The following CEP85L variants were observed in gnomAD, a reference collection of about 807,000 sequenced individuals.
The protein encoded by CEP85L is centrosomal protein of 85 kDa-like.
In CEP85L, 60 loss-of-function variants were observed where a neutral mutation model predicts 100.3. That is an observed-to-expected ratio of 0.60 (90% CI 0.49 to 0.74). The LOEUF is 0.74. Among genes scored for constraint, CEP85L ranks in the 30% least tolerant of loss-of-function variants. CEP85L has a pLI of 0.00. For synonymous variants in CEP85L, 319 were observed against 322.7 expected, an observed-to-expected ratio of 0.99 and a Z score of 0.12; for missense variants, 973 against 936.2, an observed-to-expected ratio of 1.04 and a Z score of -0.51.
At chr6:118,679,436 C>T (rs1030803930) in intron 1 of CEP85L, among the ~76,000 whole-genome samples, 1 of 152,198 alleles carries the variant, frequency 6.6e-6, no homozygotes, top group African/African-American at 2.4e-5. Flanking sequence ...TTAGTTTATA[C>T]AAGAGGCATG....
At position 118,565,413 on chromosome 6, in the gene CEP85L, C is replaced by T. The variant is rs368772227; in HGVS notation, c.1020+116G>A. On this transcript the variant is annotated intron_variant, in intron 3 of 12. Transcript: ENST00000368491. ...TGTAACATTTCTGCCTATTAACTTG[C>T]AGGGAAAAGGAAATGCAAAACAATC... 1.5e-3 allele frequency: 1,477 copies of T among 1,014,166 alleles called. 28 individuals are homozygous for T. The South Asian group carries it at 0.021, about 15-fold the overall frequency. 62.8% of individuals were successfully genotyped at this position (1,014,166 alleles called of 1,614,324 possible).
intron 1 of CEP85L, among the ~76,000 whole-genome samples, chr6:118,679,988 TAAA>T (rs996477553): frequency 7.0e-6 from 1 of 143,574 alleles, no homozygotes; most frequent in Non-Finnish European, 1.5e-5. Context: ...TCATTGGCAT[TAAA>T]AAAAAAAAAG....
chr6:118,524,247 A>G (rs12333080), intron 3 of CEP85L, among the ~76,000 whole-genome samples: 5 of 152,068 alleles, frequency 3.3e-5, no homozygotes, highest in Non-Finnish European at 7.4e-5. Flanking sequence ...GATCACCACC[A>G]TCCTGGCTAA....
At chr6:118,682,273 C>T (rs1319947626) in intron 1 of CEP85L, among the ~76,000 whole-genome samples, 1 of 152,008 alleles carries the variant, frequency 6.6e-6, no homozygotes, top group Non-Finnish European at 1.5e-5. Flanking sequence ...TATGGTGTCT[C>T]CAAGGTTTTG....
intron 2 of CEP85L, among the ~76,000 whole-genome samples, chr6:118,624,963 C>T (rs1773689002): frequency 6.6e-6 from 1 of 152,248 alleles, no homozygotes; most frequent in Admixed American, 6.5e-5. Flanking sequence ...ATGCAGGAGG[C>T]CTCTCCTAAC....
chr6:118,687,481 G>C (rs1351997847), intron 1 of CEP85L, among the ~76,000 whole-genome samples: 2 of 152,154 alleles, frequency 1.3e-5, no homozygotes, highest in African/African-American at 4.8e-5. Flanking sequence ...TTGCAACTTA[G>C]CTCACACATA....
In CEP85L at chr6:118,491,737, G is replaced by A; in HGVS notation, c.1386C>T (p.Leu462=). Residue 462 remains leucine (L), a synonymous_variant, in exon 6 of 13, where the codon CTC becomes CTT. Coordinates refer to ENST00000368491, the MANE Select transcript of CEP85L (RefSeq NM_001042475.3). ...EKEVLQLNEF[L]KQRLSLFSEE... is the part of the protein sequence containing the mutation. The stretch of plus-strand genomic sequence containing the variant: ...CACTAAATAGGCTTAGTCTTTGTTT[G>A]AGAAACTCATTAAGCTGTAAAACTT... 1.2e-6 allele frequency: 2 copies of A among 1,612,978 alleles called. No homozygotes were observed. Among genetic ancestry groups the A allele is most frequent in the Non-Finnish European group, 1.7e-6 (2 of 1,179,512 alleles).
intron 5 of CEP85L, among the ~76,000 whole-genome samples, chr6:118,505,670 T>C (rs1775609494): frequency 6.6e-6 from 1 of 152,164 alleles, no homozygotes; most frequent in Admixed American, 6.5e-5. Context: ...ATGATTCCAA[T>C]TACATAACAT....
At chr6:118,595,281 T>C (rs1781406721) in intron 2 of CEP85L, among the ~76,000 whole-genome samples, 1 of 152,020 alleles carries the variant, frequency 6.6e-6, no homozygotes, top group Non-Finnish European at 1.5e-5. Context: ...ATCCTCATTG[T>C]CGTAGATCTA....
intron 1 of CEP85L, among the ~76,000 whole-genome samples, chr6:118,696,896 T>C (rs950293651): frequency 1.3e-5 from 2 of 152,210 alleles, no homozygotes; most frequent in African/African-American, 4.8e-5. Flanking sequence ...ATCCTGAGCA[T>C]ATTACCTTAG....
At chr6:118,573,153 A>T (rs1486733893) in intron 2 of CEP85L, among the ~76,000 whole-genome samples, 1 of 152,256 alleles carries the variant, frequency 6.6e-6, no homozygotes, top group African/African-American at 2.4e-5. Flanking sequence ...TCATGAAGAA[A>T]CTGCAAAACA....
At chr6:118,519,473 T>TGTGTGTGTG (rs1776500318) in intron 4 of CEP85L, among the ~76,000 whole-genome samples, 4 of 18,216 alleles carry the variant, frequency 2.2e-4, no homozygotes, top group African/African-American at 6.0e-4. Flanking sequence ...TGTGTGTGTG[T>TGTGTGTGTG]GGCGGGGGGG....
intron 9 of CEP85L, 76 bp downstream of exon 9, chr6:118,480,320 G>C (rs1270659046): frequency 8.6e-5 from 59 of 682,400 alleles, no homozygotes; most frequent in Non-Finnish European, 4.6e-5. Context: ...ACATAAAATA[G>C]CTATAAATTA....
chr6:118,555,966 G>A (rs759620299), intron 3 of CEP85L, among the ~76,000 whole-genome samples: 20 of 152,110 alleles, frequency 1.3e-4, no homozygotes, highest in African/African-American at 3.9e-4. Flanking sequence ...CCATGTTCCC[G>A]CAAAAGACAT....
At chr6:118,500,323 C>G (rs1308698091) in intron 5 of CEP85L, among the ~76,000 whole-genome samples, 1 of 152,056 alleles carries the variant, frequency 6.6e-6, no homozygotes, top group Non-Finnish European at 1.5e-5. Flanking sequence ...GCTATATGAT[C>G]AAACAGCAAA....
chr6:118,634,639 C>T (rs1774376509), intron 1 of CEP85L, among the ~76,000 whole-genome samples: 1 of 150,702 alleles, frequency 6.6e-6, no homozygotes, highest in Non-Finnish European at 1.5e-5. Context: ...TCAAGTGATT[C>T]AACACTCACA....
At chr6:118,474,422 C>T (rs951853242) in intron 10 of CEP85L, among the ~76,000 whole-genome samples, 2 of 152,208 alleles carry the variant, frequency 1.3e-5, no homozygotes, top group African/African-American at 4.8e-5. Flanking sequence ...AGGGCATCAA[C>T]ATTTATCATC....
chr6:118,504,438 A>G (rs1775514341), intron 5 of CEP85L, among the ~76,000 whole-genome samples: 1 of 152,110 alleles, frequency 6.6e-6, no homozygotes, highest in African/African-American at 2.4e-5. Context: ...AAATAATAAT[A>G]CTAGGTCTAC....
At chr6:118,690,296 T>C (rs1468033982) in intron 1 of CEP85L, among the ~76,000 whole-genome samples, 2 of 152,242 alleles carry the variant, frequency 1.3e-5, no homozygotes, top group Non-Finnish European at 2.9e-5. Context: ...TGTCTAACTA[T>C]AACTCTAATA....
Sources: gnomAD v4.1 joint callset for allele counts (sites outside exome capture counted in the v4.1 genomes callset) on GRCh38, gnomAD v4.1.1 for gene constraint, MANE v1.5 for transcripts, NCBI Gene and HGNC (gene_info 2026-07-23, HGNC 2026-07-21) for gene names.